The following CNTNAP5 variants were observed in gnomAD, a reference collection of about 807,000 sequenced individuals.
The protein encoded by CNTNAP5 is contactin associated protein family member 5, also known as contactin-associated protein-like 5.
CNTNAP5 carries 72 observed loss-of-function variants against 150.2 expected under a neutral mutation model. The observed-to-expected ratio is 0.48, with a 90% confidence interval of 0.40 to 0.58. CNTNAP5 has a LOEUF of 0.58. Ranked by LOEUF, CNTNAP5 falls within the 20% of genes least tolerant of loss-of-function variation. The pLI, the probability that CNTNAP5 is intolerant of heterozygous loss-of-function variation, is 0.00. For synonymous variants in CNTNAP5, 672 were observed against 619.8 expected (o/e 1.08, Z -1.25); for missense variants, 1,636 against 1,626.2 (o/e 1.01, Z -0.10).
At chr2:124,312,485 C>T (rs1332037171) in intron 3 of CNTNAP5, among the ~76,000 whole-genome samples, 1 of 152,088 alleles carries the variant, frequency 6.6e-6, no homozygotes, top group Non-Finnish European at 1.5e-5. Flanking sequence ...CTGCCTCAGC[C>T]TCTAGAGTAG....
intron 3 of CNTNAP5, among the ~76,000 whole-genome samples, chr2:124,247,844 C>T (rs1320418098): frequency 3.3e-5 from 5 of 152,046 alleles, no homozygotes; most frequent in African/African-American, 1.2e-4. Flanking sequence ...TTTGTTAACA[C>T]TTCTCTGTTT....
At chr2:124,360,966 CT>C (rs1372162611) in intron 3 of CNTNAP5, among the ~76,000 whole-genome samples, 2 of 140,946 alleles carry the variant, frequency 1.4e-5, no homozygotes, top group African/African-American at 5.4e-5. Context: ...TAGATTTGGT[CT>C]TTTCACATAG....
At chr2:124,117,664 A>G (rs1683459657) in intron 1 of CNTNAP5, among the ~76,000 whole-genome samples, 1 of 152,228 alleles carries the variant, frequency 6.6e-6, no homozygotes, top group Non-Finnish European at 1.5e-5. Flanking sequence ...ATTTCTTTCC[A>G]TAGCACCGAC....
intron 3 of CNTNAP5, among the ~76,000 whole-genome samples, chr2:124,242,888 A>G (rs558330885): frequency 6.6e-6 from 1 of 152,358 alleles, no homozygotes; most frequent in African/African-American, 2.4e-5. Flanking sequence ...AAAGCCACGA[A>G]GCAGCTTCTA....
intron 3 of CNTNAP5, among the ~76,000 whole-genome samples, chr2:124,290,802 C>T (rs1199359613): frequency 6.6e-6 from 1 of 152,108 alleles, no homozygotes; most frequent in East Asian, 1.9e-4. Context: ...ATGGGCCCTC[C>T]TTCTGATTTC....
At chr2:124,575,889 T>G (rs991835810) in intron 11 of CNTNAP5, among the ~76,000 whole-genome samples, 3 of 152,192 alleles carry the variant, frequency 2.0e-5, no homozygotes, top group Non-Finnish European at 4.4e-5. Context: ...AGGTGAAAGA[T>G]AGCAAATCAG....
intron 3 of CNTNAP5, among the ~76,000 whole-genome samples, chr2:124,296,698 A>G (rs1688439399): frequency 1.3e-5 from 2 of 152,330 alleles, no homozygotes; most frequent in Non-Finnish European, 2.9e-5. Flanking sequence ...CTCTCTTAGT[A>G]TAGAGACCTT....
intron 3 of CNTNAP5, among the ~76,000 whole-genome samples, chr2:124,310,090 G>A (rs1382994019): frequency 3.3e-5 from 5 of 151,744 alleles, no homozygotes; most frequent in African/African-American, 4.8e-5. Flanking sequence ...TAAGTTCAGG[G>A]AGATGGAGTG....
chr2:124,271,658 A>ATCTATCT (rs1553453944), intron 3 of CNTNAP5, among the ~76,000 whole-genome samples: 1 of 141,426 alleles, frequency 7.1e-6, no homozygotes, highest in African/African-American at 2.7e-5. Context: ...GTTTTTTTTT[A>ATCTATCT]ATCTATCTAT....
chr2:124,149,857 C>T (rs767433756), intron 1 of CNTNAP5, among the ~76,000 whole-genome samples: 89 of 152,338 alleles, frequency 5.8e-4, no homozygotes, highest in African/African-American at 1.9e-3. Flanking sequence ...CCTTGGCATC[C>T]GTGAACAGTG....
intron 14 of CNTNAP5, 23 bp downstream of exon 14, chr2:124,747,408 T>C: frequency 6.2e-7 from 1 of 1,613,200 alleles, no homozygotes; most frequent in Non-Finnish European, 8.5e-7. Flanking sequence ...TCCATCTTTC[T>C]GCAATTGTAG....
intron 11 of CNTNAP5, among the ~76,000 whole-genome samples, chr2:124,566,344 T>A (rs564854671): frequency 6.6e-6 from 1 of 152,292 alleles, no homozygotes. Flanking sequence ...AATTTAACAA[T>A]TTTTTGAGGA....
At chr2:124,251,858 T>C (rs1192300162) in intron 3 of CNTNAP5, among the ~76,000 whole-genome samples, 1 of 152,162 alleles carries the variant, frequency 6.6e-6, no homozygotes, top group Non-Finnish European at 1.5e-5. Flanking sequence ...GAGCTAGAGT[T>C]CCACGAATGG....
chr2:124,504,514 G>A lies in CNTNAP5; in HGVS notation c.1285G>A (p.Val429Met), dbSNP rs368773037. 6 of 1,613,648 alleles carry A rather than the reference G, an allele frequency of 3.7e-6. No homozygotes were observed. Among genetic ancestry groups the A allele is most frequent in the Non-Finnish European group, 5.1e-6 (6 of 1,179,824 alleles). The change falls in exon 8 of 24, where the codon GTG becomes ATG. Residue 429 changes from valine to methionine, a missense_variant. By Grantham distance (21) the Val-to-Met change is conservative. Transcript: ENST00000682447. Reference sequence around the variant, plus strand: ...CCTGGAGGGTGGAATCCTGAGACTCGTGATTCAGAAAATGACAGAACGCGT... The same window carrying A: ...CCTGGAGGGTGGAATCCTGAGACTCATGATTCAGAAAATGACAGAACGCGT... ...LSLEGGILRL[V>M]IQKMTERVAE...
At chr2:124,585,392 G>A (rs945054481) in intron 11 of CNTNAP5, among the ~76,000 whole-genome samples, 5 of 152,188 alleles carry the variant, frequency 3.3e-5, no homozygotes, top group Admixed American at 6.5e-5. Context: ...AACAGGGATG[G>A]GAGTGGAGAG....
chr2:124,266,799 G>C (rs1687616415), intron 3 of CNTNAP5, among the ~76,000 whole-genome samples: 1 of 152,134 alleles, frequency 6.6e-6, no homozygotes, highest in Non-Finnish European at 1.5e-5. Flanking sequence ...CAGCCAATTA[G>C]GATTCATCTG....
chr2:124,788,921 C>A (rs562381816), intron 17 of CNTNAP5, among the ~76,000 whole-genome samples: 1 of 152,310 alleles, frequency 6.6e-6, no homozygotes, highest in Admixed American at 6.5e-5. Context: ...GCATGTACCA[C>A]CATGCCTGGC....
chr2:124,439,279 AG>A (rs1305508231), intron 5 of CNTNAP5, among the ~76,000 whole-genome samples: 2 of 152,200 alleles, frequency 1.3e-5, no homozygotes, highest in Non-Finnish European at 1.5e-5. Flanking sequence ...CAATAAGAAT[AG>A]GTTAAACAAG....
chr2:124,261,542 T>G (rs1687455484), intron 3 of CNTNAP5, among the ~76,000 whole-genome samples: 2 of 152,158 alleles, frequency 1.3e-5, no homozygotes, highest in African/African-American at 4.8e-5. Flanking sequence ...CCAATACCCC[T>G]ACTCCTGCCC....
Sources: allele counts gnomAD v4.1 joint callset (sites outside exome capture counted in the v4.1 genomes callset), GRCh38; gene constraint gnomAD v4.1.1; transcripts MANE v1.5; gene names NCBI Gene and HGNC (gene_info 2026-07-23, HGNC 2026-07-21).